The following TIPIN variants were observed in gnomAD, a reference collection of about 807,000 sequenced individuals.
TIPIN encodes TIMELESS-interacting protein.
Under a neutral mutation model 35.6 loss-of-function variants are expected in TIPIN, and 29 were observed. That is an observed-to-expected ratio of 0.82 (90% confidence interval 0.61 to 1.11). TIPIN has a LOEUF of 1.11. Ranked by LOEUF, TIPIN falls within the 50% of genes most tolerant of loss-of-function variation. TIPIN has a pLI of 0.00. For missense variants in TIPIN, 296 were observed against 345.4 expected (o/e 0.86, Z 1.13); for synonymous variants, 102 against 121.5 (o/e 0.84, Z 1.06).
chr15:66,384,901 A>G (rs539205462), intron 1 of TIPIN, among the ~76,000 whole-genome samples: 1 of 152,248 alleles, frequency 6.6e-6, no homozygotes, highest in South Asian at 2.1e-4. Context: ...AAAAAGAGCA[A>G]AACGCCACTC....
intron 6 of TIPIN, among the ~76,000 whole-genome samples, chr15:66,345,978 C>G (rs2093122058): frequency 6.6e-6 from 1 of 151,006 alleles, no homozygotes; most frequent in African/African-American, 2.4e-5. Flanking sequence ...CAGAGTTTCA[C>G]TCTTTTTGCC....
chr15:66,355,027 C>CTTTTTTTTTTTTTTTTT (rs747834289), intron 1 of TIPIN, among the ~76,000 whole-genome samples: 2 of 112,718 alleles, frequency 1.8e-5, no homozygotes, highest in Non-Finnish European at 3.5e-5. Context: ...CAATATATAT[C>CTTTTTTTTTTTTTTTTT]TTTTTTTTTT....
intron 7 of TIPIN, 31 bp downstream of exon 7, chr15:66,341,119 G>A (rs1300764103): frequency 6.3e-7 from 1 of 1,588,732 alleles, no homozygotes; most frequent in South Asian, 1.1e-5. Context: ...ATATATTAAT[G>A]GTAGCATATA....
chr15:66,352,103 A>T (rs762842189), intron 3 of TIPIN, 26 bp downstream of exon 3: 10 of 1,513,196 alleles, frequency 6.6e-6, no homozygotes. Context: ...AAAAAGTATA[A>T]ATGTATAAGA....
intron 2 of TIPIN, 63 bp downstream of exon 2, chr15:66,352,752 A>T (rs1439307917): frequency 6.0e-6 from 9 of 1,501,602 alleles, no homozygotes; most frequent in Non-Finnish European, 8.0e-6. Context: ...AAGTGCTGGA[A>T]TTACAGGCAT....
At position 66,365,281 on chromosome 15, in the gene TIPIN, T is replaced by TATACATA. The variant is rs71447900; in HGVS notation, c.-8-12333_-8-12327dup. ...GTTGTCCTCACTGCTCATAATACATTATACATAATACATAATACATAATAC... is the reference window on the plus strand; with the variant it reads ...GTTGTCCTCACTGCTCATAATACATTATACATAATACATAATACATAATACATAATAC... On this transcript the variant is annotated intron_variant, in intron 1 of 7. Transcript: ENST00000562124. Among the ~76,000 whole-genome samples, 31 of 152,072 alleles carry TATACATA rather than the reference T, an allele frequency of 2.0e-4. 1 individual carries two copies. Among genetic ancestry groups the TATACATA allele is most frequent in the East Asian group, 5.8e-4 (3 of 5,168 alleles).
upstream of TIPIN, among the ~76,000 whole-genome samples, chr15:66,359,129 G>A (rs1204961011): frequency 1.3e-5 from 2 of 150,144 alleles, no homozygotes; most frequent in African/African-American, 2.5e-5. Context: ...TCCAGCCTGG[G>A]TAACAGAGTG....
At chr15:66,385,794 A>C (rs2093335489) in intron 1 of TIPIN, among the ~76,000 whole-genome samples, 2 of 136,000 alleles carry the variant, frequency 1.5e-5, no homozygotes, top group African/African-American at 5.7e-5. Context: ...GCCTGGATGA[A>C]AGTTTTTTTA....
At chr15:66,364,456 C>A (rs902856924) in intron 1 of TIPIN, among the ~76,000 whole-genome samples, 1 of 151,872 alleles carries the variant, frequency 6.6e-6, no homozygotes, top group Non-Finnish European at 1.5e-5. Context: ...AAGCCCATGC[C>A]CAGCCAAGAA....
At chr15:66,352,640 C>T (rs747735264) in intron 2 of TIPIN, among the ~76,000 whole-genome samples, 175 bp downstream of exon 2, 3 of 151,866 alleles carry the variant, frequency 2.0e-5, no homozygotes, top group Non-Finnish European at 4.4e-5. Context: ...AGCCACCACA[C>T]CCCGGCTAAT....
Position 66,336,806 on chromosome 15 carries a change from A to T in TIPIN, c.*152T>A. 1 of 624,246 alleles carries T rather than the reference A, an allele frequency of 1.6e-6. No homozygotes were observed. The highest frequency in any genetic ancestry group is 2.7e-6 in the Non-Finnish European group (1 of 366,394). 38.7% of individuals were successfully genotyped at this position (624,246 alleles called of 1,614,324 possible). Reference sequence around the variant, plus strand: ...TAGATTTAACTAAAGTGACAAGCATAATTATAAATAAATACCAGATTATCA... The same window carrying T: ...TAGATTTAACTAAAGTGACAAGCATTATTATAAATAAATACCAGATTATCA... On this transcript the variant is annotated 3_prime_UTR_variant, in exon 8 of 8. Coordinates refer to ENST00000261881, the MANE Select transcript of TIPIN (RefSeq NM_017858.3).
intron 1 of TIPIN, among the ~76,000 whole-genome samples, chr15:66,373,250 T>C (rs2093284030): frequency 6.6e-6 from 1 of 152,170 alleles, no homozygotes; most frequent in Non-Finnish European, 1.5e-5. Context: ...TCCCAGCACT[T>C]TGGGAGGCTG....
intron 1 of TIPIN, chr15:66,371,361 A>G: frequency 1.0e-6 from 1 of 985,294 alleles, no homozygotes; most frequent in Non-Finnish European, 1.2e-6. Context: ...CAGAAGACGT[A>G]AGTGTTTTAA....
At chr15:66,360,432 C>T (rs2093226240), upstream of TIPIN, among the ~76,000 whole-genome samples, 1 of 151,150 alleles carries the variant, frequency 6.6e-6, no homozygotes, top group African/African-American at 2.4e-5. Context: ...ATGGTAAAAC[C>T]CCATCGCTAC....
intron 1 of TIPIN, among the ~76,000 whole-genome samples, chr15:66,369,876 C>A (rs2093271658): frequency 6.6e-6 from 1 of 152,134 alleles, no homozygotes; most frequent in Admixed American, 6.6e-5. Context: ...TGGTCATTCT[C>A]ATTTTAAATT....
At chr15:66,377,898 G>A (rs1369628105) in intron 1 of TIPIN, among the ~76,000 whole-genome samples, 1 of 151,896 alleles carries the variant, frequency 6.6e-6, no homozygotes, top group Non-Finnish European at 1.5e-5. Context: ...CCCAGCAGGA[G>A]TGCAATTGCA....
In TIPIN at chr15:66,356,675, G is replaced by T; in HGVS notation, c.-45C>A. The T allele has an allele frequency of 3.0e-6, 3 of 985,668 alleles. No homozygotes were observed. Among genetic ancestry groups the T allele is most frequent in the Non-Finnish European group, 3.6e-6 (3 of 830,100 alleles). The allele number at this position is 985,668 out of a possible 1,614,324, so 61.1% of individuals were successfully genotyped here. On this transcript the variant is annotated 5_prime_UTR_variant, in exon 1 of 8. Coordinates refer to ENST00000261881, the MANE Select transcript of TIPIN (RefSeq NM_017858.3). Reference sequence around the variant, plus strand: ...AACACGGGACACAGCGCGGACCTCGGCGTGCAGACTAAGCGCGCTTCTCGC... The same window carrying T: ...AACACGGGACACAGCGCGGACCTCGTCGTGCAGACTAAGCGCGCTTCTCGC...
chr15:66,343,401 T>A (rs2093101799), intron 6 of TIPIN, among the ~76,000 whole-genome samples: 1 of 152,210 alleles, frequency 6.6e-6, no homozygotes, highest in South Asian at 2.1e-4. Flanking sequence ...ATGTATATAT[T>A]ATGCCTTGAA....
intron 1 of TIPIN, chr15:66,383,050 TA>T (rs2093323664): frequency 1.0e-6 from 1 of 967,734 alleles, no homozygotes; most frequent in Non-Finnish European, 1.2e-6. Flanking sequence ...GATAAGGGCT[TA>T]GGGTTTACTC....
Sources: gnomAD v4.1 joint callset for allele counts (sites outside exome capture counted in the v4.1 genomes callset) on GRCh38, gnomAD v4.1.1 for gene constraint, MANE v1.5 for transcripts, NCBI Gene and HGNC (gene_info 2026-07-23, HGNC 2026-07-21) for gene names.